MANBA: variants seen among roughly 807,000 people sequenced by gnomAD.
MANBA encodes the protein mannosidase beta, also known as beta-mannosidase.
In MANBA, 83 loss-of-function variants were observed where a neutral mutation model predicts 111.1. The observed-to-expected ratio is 0.75, with a 90% CI of 0.63 to 0.90. The LOEUF is 0.90. MANBA is among the 40% of genes least tolerant of loss of function. MANBA has a pLI of 0.00. For synonymous variants in MANBA, 370 were observed against 378.7 expected, an observed-to-expected ratio of 0.98 and a Z score of 0.27; for missense variants, 1,036 against 1,069.0, an observed-to-expected ratio of 0.97 and a Z score of 0.43.
intron 1 of MANBA, among the ~76,000 whole-genome samples, chr4:102,742,952 AGTGGAAATCCAT>A (rs1713305280): frequency 6.6e-6 from 1 of 152,130 alleles, no homozygotes; most frequent in Non-Finnish European, 1.5e-5. Context: ...AGCCTTGCTG[AGTGGAAATCCAT>A]GTTGCTGAGT....
chr4:102,685,730 C>A (rs943317658), intron 7 of MANBA, among the ~76,000 whole-genome samples: 6 of 152,012 alleles, frequency 3.9e-5, no homozygotes, highest in African/African-American at 1.4e-4. Flanking sequence ...AATAAAGTTC[C>A]AACAATAATA....
chr4:102,694,786 T>C (rs1732634136), intron 5 of MANBA, among the ~76,000 whole-genome samples: 1 of 152,046 alleles, frequency 6.6e-6, no homozygotes, highest in Non-Finnish European at 1.5e-5. Context: ...TCAAAACAGG[T>C]GCAAAGGCAA....
At chr4:102,750,086 T>A (rs955101445) in intron 1 of MANBA, among the ~76,000 whole-genome samples, 8 of 152,350 alleles carry the variant, frequency 5.3e-5, no homozygotes, top group Admixed American at 4.6e-4. Flanking sequence ...TATTAATTGA[T>A]GACTATTTCT....
intron 5 of MANBA, among the ~76,000 whole-genome samples, chr4:102,691,153 T>C (rs1281604785): frequency 2.0e-5 from 3 of 152,116 alleles, no homozygotes; most frequent in Admixed American, 2.0e-4. Flanking sequence ...AAAGTAATAG[T>C]ATTTTACTTT....
In MANBA at chr4:102,687,067, T is replaced by C. The variant is rs1167970571; in HGVS notation, c.960+2507A>G. On this transcript the variant is annotated intron_variant, in intron 7 of 16. Transcript: ENST00000647097. ...CCCCAAACCTTCTCTTCTTTCTGAGTAATGTAACTCAATGAACAGAGTTGC... is the reference window on the plus strand; with the variant it reads ...CCCCAAACCTTCTCTTCTTTCTGAGCAATGTAACTCAATGAACAGAGTTGC... 3.3e-5 allele frequency among the ~76,000 whole-genome samples: 5 copies of C among 152,152 alleles called. No homozygotes were observed. The East Asian group carries it at 9.6e-4, about 29-fold the overall frequency.
intron 1 of MANBA, among the ~76,000 whole-genome samples, chr4:102,751,233 A>C (rs1723777381): frequency 6.6e-6 from 1 of 152,196 alleles, no homozygotes; most frequent in Admixed American, 6.5e-5. Context: ...CCTTAGAAAG[A>C]ATGATTGTGG....
intron 5 of MANBA, among the ~76,000 whole-genome samples, chr4:102,703,710 A>C (rs1446616111): frequency 6.6e-6 from 1 of 152,144 alleles, no homozygotes; most frequent in African/African-American, 2.4e-5. Flanking sequence ...ACAGCAAGAA[A>C]ACCTTACTTC....
At chr4:102,693,986 T>C (rs1427037703) in intron 5 of MANBA, among the ~76,000 whole-genome samples, 2 of 152,202 alleles carry the variant, frequency 1.3e-5, no homozygotes, top group African/African-American at 2.4e-5. Context: ...GAGCACCTCC[T>C]ACCAACGAAG....
chr4:102,634,689 G>A (rs1729535770), intron 16 of MANBA, 99 bp downstream of exon 16: 3 of 1,515,816 alleles, frequency 2.0e-6, no homozygotes, highest in African/African-American at 1.4e-5. Context: ...CAGCACCAAG[G>A]GGGACACATG....
chr4:102,635,927 C>G lies in MANBA; in HGVS notation c.2095G>C (p.Glu699Gln), dbSNP rs1729607912. 2.5e-6 allele frequency: 4 copies of G among 1,611,842 alleles called. No individual in the cohort carries two copies. Among genetic ancestry groups the G allele is most frequent in the Non-Finnish European group, 3.4e-6 (4 of 1,177,890 alleles). ...APLLPVGFEN[E>Q]NTFYIYGVSD... The stretch of plus-strand genomic sequence containing the variant: ...ACACCATAGATATAGAACGTGTTTT[C>G]ATTCTCAAAGCCTACTGGCAACAGT... The change falls in exon 15 of 17, where the codon GAA (glutamate) becomes CAA (glutamine). Residue 699 changes from glutamate to glutamine, a missense_variant. Transcript: ENST00000647097.
At chr4:102,664,595 C>T (rs1408174347) in intron 11 of MANBA, 90 bp downstream of exon 11, 2 of 1,172,418 alleles carry the variant, frequency 1.7e-6, no homozygotes, top group African/African-American at 1.5e-5. Flanking sequence ...GCCTCAGCCT[C>T]CCAAAGTGCT....
chr4:102,675,627 T>C (rs1457684538), intron 7 of MANBA, among the ~76,000 whole-genome samples: 3 of 152,232 alleles, frequency 2.0e-5, no homozygotes, highest in Non-Finnish European at 4.4e-5. Flanking sequence ...TTTTAAGTTT[T>C]CAAATAAAAA....
At chr4:102,735,411 C>T (rs1334589992) in intron 1 of MANBA, among the ~76,000 whole-genome samples, 1 of 150,330 alleles carries the variant, frequency 6.7e-6, no homozygotes, top group Non-Finnish European at 1.5e-5. Flanking sequence ...CATTCCCTAA[C>T]CAGAGAGAGT....
chr4:102,650,926 CCCTT>C, intron 12 of MANBA: 1 of 509,506 alleles, frequency 2.0e-6, no homozygotes, highest in Non-Finnish European at 3.5e-6. Flanking sequence ...CATATATCCT[CCCTT>C]CCTCCAACTA....
rs1487097993 is a variant in MANBA at position 102,661,125 on chromosome 4, C to G, written c.1486-3225G>C. 3.3e-5 allele frequency among the ~76,000 whole-genome samples: 5 copies of G among 152,298 alleles called. No homozygotes were observed. In the East Asian group the frequency reaches 9.6e-4, roughly 29 times the overall value. ...GCTCATTATACATACCACCTACTTT[C>G]ACATCTTTTTACCTTTATTTACATT... On this transcript the variant is annotated intron_variant, in intron 11 of 16. Transcript: ENST00000647097.
intron 1 of MANBA, chr4:102,734,433 C>G (rs536336298): frequency 6.2e-7 from 1 of 1,607,948 alleles, no homozygotes; most frequent in Middle Eastern, 1.7e-4. Context: ...ATGGTACGGA[C>G]TCTTCCTGGG....
Position 102,719,099 on chromosome 4 carries a change from T to C in MANBA, c.549+3772A>G, listed in dbSNP as rs187888034. Among the ~76,000 whole-genome samples, 138 of 152,260 alleles carry C rather than the reference T, an allele frequency of 9.1e-4. 2 individuals are homozygous for C. The highest frequency in any genetic ancestry group is 3.2e-3 in the African/African-American group (135 of 41,546). ...TTACCAGGCTGGAATTTCCCAATCC[T>C]AGTAAGCCTGAGGGTACTGCAGGAG... On this transcript the variant is annotated intron_variant, in intron 4 of 16. Coordinates refer to ENST00000647097, the MANE Select transcript of MANBA (RefSeq NM_005908.4).
At chr4:102,752,845 T>C (rs1008701545) in intron 1 of MANBA, among the ~76,000 whole-genome samples, 1 of 152,230 alleles carries the variant, frequency 6.6e-6, no homozygotes, top group African/African-American at 2.4e-5. Flanking sequence ...AGAATGATTG[T>C]GACTAGCTTG....
chr4:102,670,726 A>G (rs780079763), intron 9 of MANBA, among the ~76,000 whole-genome samples: 6 of 151,798 alleles, frequency 4.0e-5, no homozygotes, highest in Non-Finnish European at 5.9e-5. Flanking sequence ...AAAAATACAA[A>G]ATTTAGCACA....
Sources: gnomAD v4.1 joint callset for allele counts (sites outside exome capture counted in the v4.1 genomes callset) on GRCh38, gnomAD v4.1.1 for gene constraint, MANE v1.5 for transcripts, NCBI Gene and HGNC (gene_info 2026-07-23, HGNC 2026-07-21) for gene names.